GALNTL6: variants seen among roughly 807,000 people sequenced by gnomAD.
GALNTL6 encodes polypeptide N-acetylgalactosaminyltransferase like 6.
A neutral mutation model predicts 73.7 loss-of-function variants in GALNTL6; 46 were observed. That is an observed-to-expected ratio of 0.62 (90% CI 0.49 to 0.80). The LOEUF (loss-of-function observed/expected upper bound fraction) is 0.80. Ranked by LOEUF, GALNTL6 falls within the 30% of genes least tolerant of loss-of-function variation. The pLI is 0.00. For missense variants in GALNTL6, 604 were observed against 755.0 expected, an observed-to-expected ratio of 0.80 and a Z score of 2.34; for synonymous variants, 259 against 263.7, an observed-to-expected ratio of 0.98 and a Z score of 0.17.
At chr4:172,197,598 C>T (rs1378824281) in intron 2 of GALNTL6, among the ~76,000 whole-genome samples, 3 of 152,018 alleles carry the variant, frequency 2.0e-5, no homozygotes, top group Admixed American at 2.0e-4. Flanking sequence ...GACACATAGA[C>T]CAGTGGAACA....
At chr4:172,722,384 G>A (rs574525305) in intron 5 of GALNTL6, among the ~76,000 whole-genome samples, 67 of 152,088 alleles carry the variant, frequency 4.4e-4, no homozygotes, top group Non-Finnish European at 7.8e-4. Flanking sequence ...GCTTTATAAA[G>A]CATTGATAAA....
chr4:173,019,318 C>T (rs1344501171), intron 11 of GALNTL6, among the ~76,000 whole-genome samples: 8 of 152,100 alleles, frequency 5.3e-5, no homozygotes, highest in Non-Finnish European at 7.4e-5. Flanking sequence ...GATGAGTGAC[C>T]GGCATACTGG....
At chr4:172,907,526 T>G (rs1746964573) in intron 8 of GALNTL6, among the ~76,000 whole-genome samples, 1 of 152,194 alleles carries the variant, frequency 6.6e-6, no homozygotes, top group African/African-American at 2.4e-5. Flanking sequence ...ATAAAAGCAT[T>G]TGATAAAATT....
intron 7 of GALNTL6, among the ~76,000 whole-genome samples, chr4:172,854,664 T>C (rs1029810587): frequency 3.3e-5 from 5 of 152,112 alleles, no homozygotes; most frequent in Non-Finnish European, 7.4e-5. Flanking sequence ...AAAAACCCTC[T>C]CCATTCTTCA....
At chr4:172,136,662 TATTAA>T (rs1041934939) in intron 2 of GALNTL6, among the ~76,000 whole-genome samples, 1 of 151,706 alleles carries the variant, frequency 6.6e-6, no homozygotes, top group Admixed American at 6.6e-5. Flanking sequence ...TTATTTTATA[TATTAA>T]ATTATTTTAT....
At position 172,676,392 on chromosome 4, in the gene GALNTL6, C is replaced by G. The variant is rs535145439; in HGVS notation, c.554-132969C>G. On this transcript the variant is annotated intron_variant, in intron 5 of 12. Coordinates refer to ENST00000506823, the MANE Select transcript of GALNTL6 (RefSeq NM_001034845.3). ...AATTCGTGAAGCAACACAAAATGGT[C>G]ATGGCAATAAATATTTCTTGTTCTA... is the stretch of plus-strand genomic sequence containing the variant. Among the ~76,000 whole-genome samples, 33 of 152,308 alleles carry G rather than the reference C, an allele frequency of 2.2e-4. No homozygotes were observed. The South Asian group carries it at 5.4e-3, about 25-fold the overall frequency.
chr4:172,717,618 A>G (rs1289637770), intron 5 of GALNTL6, among the ~76,000 whole-genome samples: 3 of 152,228 alleles, frequency 2.0e-5, no homozygotes, highest in East Asian at 3.8e-4. Flanking sequence ...TGCTACTACA[A>G]TTGCCAGCAC....
At chr4:172,389,851 T>G (rs577477401) in intron 5 of GALNTL6, among the ~76,000 whole-genome samples, 45 of 152,240 alleles carry the variant, frequency 3.0e-4, no homozygotes, top group African/African-American at 9.9e-4. Flanking sequence ...ACAATAAAAC[T>G]AAGGTATTAC....
intron 5 of GALNTL6, among the ~76,000 whole-genome samples, chr4:172,365,320 G>A (rs1742517098): frequency 6.6e-6 from 1 of 151,984 alleles, no homozygotes; most frequent in African/African-American, 2.4e-5. Context: ...TCTCTGGTTG[G>A]GGAAGGGTTT....
intron 12 of GALNTL6, among the ~76,000 whole-genome samples, chr4:173,023,487 T>G (rs867586998): frequency 9.9e-5 from 15 of 152,178 alleles, no homozygotes; most frequent in Middle Eastern, 6.8e-3. Flanking sequence ...TGAAACCCCA[T>G]CTGGACTAAA....
intron 10 of GALNTL6, among the ~76,000 whole-genome samples, chr4:172,959,149 A>G (rs59692023): frequency 0.25 from 37,355 of 151,834 alleles, 5,022 homozygotes; most frequent in East Asian, 0.4. Flanking sequence ...TTAGGTTTTA[A>G]TGAGATGGTA....
chr4:172,027,894 C>A (rs1474099937), intron 2 of GALNTL6, among the ~76,000 whole-genome samples: 1 of 152,088 alleles, frequency 6.6e-6, no homozygotes, highest in Non-Finnish European at 1.5e-5. Context: ...GGTGAGGAAG[C>A]TGCAGGACAA....
intron 5 of GALNTL6, among the ~76,000 whole-genome samples, chr4:172,600,842 A>G (rs1738027954): frequency 6.6e-6 from 1 of 152,122 alleles, no homozygotes; most frequent in South Asian, 2.1e-4. Flanking sequence ...TGGCCATAAC[A>G]AAAGTTGCTA....
chr4:172,620,230 A>C (rs1738901965), intron 5 of GALNTL6, among the ~76,000 whole-genome samples: 1 of 152,194 alleles, frequency 6.6e-6, no homozygotes, highest in Non-Finnish European at 1.5e-5. Context: ...CAATATAAAA[A>C]GGGTGTAGTC....
At chr4:172,474,609 G>A (rs1376989489) in intron 5 of GALNTL6, among the ~76,000 whole-genome samples, 1 of 152,100 alleles carries the variant, frequency 6.6e-6, no homozygotes, top group Non-Finnish European at 1.5e-5. Context: ...ATATATAAGA[G>A]TGAAGAATCT....
At chr4:171,945,230 T>C (rs2111020799) in intron 2 of GALNTL6, among the ~76,000 whole-genome samples, 1 of 152,240 alleles carries the variant, frequency 6.6e-6, no homozygotes, top group South Asian at 2.1e-4. Flanking sequence ...AAAAACATCA[T>C]TGAAACAGAT....
intron 5 of GALNTL6, among the ~76,000 whole-genome samples, chr4:172,416,391 A>G (rs1450154296): frequency 1.3e-5 from 2 of 152,216 alleles, no homozygotes; most frequent in Non-Finnish European, 2.9e-5. Context: ...CATATGTGAT[A>G]CCACATAAAA....
intron 5 of GALNTL6, among the ~76,000 whole-genome samples, chr4:172,571,286 A>G (rs375717744): frequency 1.3e-5 from 2 of 152,192 alleles, no homozygotes; most frequent in African/African-American, 2.4e-5. Flanking sequence ...TCGTGTATTA[A>G]TGTTTTTATC....
intron 2 of GALNTL6, among the ~76,000 whole-genome samples, chr4:172,166,692 T>TA (rs1489660195): frequency 2.0e-5 from 3 of 152,216 alleles, no homozygotes; most frequent in Non-Finnish European, 4.4e-5. Flanking sequence ...TGATCTTCCT[T>TA]AAAATCTGAG....
Sources: allele counts gnomAD v4.1 joint callset (sites outside exome capture counted in the v4.1 genomes callset), GRCh38; gene constraint gnomAD v4.1.1; transcripts MANE v1.5; gene names NCBI Gene and HGNC (gene_info 2026-07-23, HGNC 2026-07-21).